The following ZNF503 variants were observed in gnomAD, a reference collection of about 807,000 sequenced individuals.
The protein encoded by ZNF503 is zinc finger protein 503, also known as NocA-like zinc finger 2.
In ZNF503, 15 loss-of-function variants were observed where a neutral mutation model predicts 34.4. The observed-to-expected ratio is 0.44, with a 90% CI of 0.29 to 0.67. ZNF503 has a LOEUF of 0.67. Among genes scored for constraint, ZNF503 ranks in the 30% least tolerant of loss-of-function variants. The pLI is 0.13. For missense variants in ZNF503, 1,007 were observed against 926.8 expected (o/e 1.09, Z -1.12); for synonymous variants, 580 against 456.8 (o/e 1.27, Z -3.44).
the ZNF503 span, among the ~76,000 whole-genome samples, chr10:75,368,888 G>A: frequency 6.6e-6 from 1 of 152,170 alleles, no homozygotes. Flanking sequence ...TTTCAGCTCT[G>A]CTTTTATTGG....
chr10:75,399,652 G>T lies in ZNF503; in HGVS notation c.1038C>A (p.Gly346=). The T allele has an allele frequency of 6.3e-7, 1 of 1,599,370 alleles. No homozygotes were observed. The highest frequency in any genetic ancestry group is 8.5e-7 in the Non-Finnish European group (1 of 1,179,676). The change falls in exon 2 of 2, where the codon GGC becomes GGA. Residue 346 remains glycine, a synonymous_variant. Transcript: ENST00000372524. ...CGGGAGGCAGAGGGAACACTGTCTG[G>T]CCCGGCTTGTAGGGTGACACGGGAG... ...LVAPVSPYKP[G]QTVFPLPPAG... is the part of the protein sequence containing the mutation.
chr10:75,401,347 CTCCGCCTCCGCCGCCGCCGCCGCCGCT>C lies in ZNF503; in HGVS notation c.46_72del (p.Ser16_Gly24del). 2 of 1,485,460 alleles carry C rather than the reference CTCCGCCTCCGCCGCCGCCGCCGCCGCT, an allele frequency of 1.3e-6. No individual in the cohort carries two copies. The highest frequency in any genetic ancestry group is 1.8e-6 in the Non-Finnish European group (2 of 1,136,180). The allele number at this position is 1,485,460 out of a possible 1,614,324, so 92.0% of individuals were successfully genotyped here. ...GTCCAGGCAGGGTCTGCACCGCCGCCTCCGCCTCCGCCGCCGCCGCCGCCGCTGTGCTTACTGCTTCTTAGGGCAGAA... is the reference window on the plus strand; with the variant it reads ...GTCCAGGCAGGGTCTGCACCGCCGCCGTGCTTACTGCTTCTTAGGGCAGAA... On this transcript the variant is annotated inframe_deletion, in exon 1 of 2. Coordinates refer to ENST00000372524, the MANE Select transcript of ZNF503 (RefSeq NM_032772.6).
the ZNF503 span, among the ~76,000 whole-genome samples, chr10:75,375,308 A>C: frequency 3.0e-4 from 45 of 151,948 alleles, no homozygotes; most frequent in African/African-American, 1.0e-3. Context: ...TTTTTAGTAG[A>C]GAAGGGGTTT....
chr10:75,336,211 C>T, the ZNF503 span, among the ~76,000 whole-genome samples: 1 of 152,174 alleles, frequency 6.6e-6, no homozygotes, highest in Non-Finnish European at 1.5e-5. Flanking sequence ...TTCTATTACA[C>T]CTACTAAGCA....
the ZNF503 span, among the ~76,000 whole-genome samples, chr10:75,284,389 T>G: frequency 0.83 from 115,546 of 139,026 alleles, 47,709 homozygotes; most frequent in African/African-American, 0.96. Context: ...GGGGCGTTGG[T>G]GGGGAGGGTT....
At chr10:75,348,459 A>G in the ZNF503 span, among the ~76,000 whole-genome samples, 1,094 of 151,548 alleles carry the variant, frequency 7.2e-3, 5 homozygotes, top group African/African-American at 0.025. Context: ...CGGTCTCCCA[A>G]AGTGTTAGGA....
chr10:75,322,628 G>GAGA, the ZNF503 span, among the ~76,000 whole-genome samples: 445 of 152,108 alleles, frequency 2.9e-3, 1 homozygote, highest in Non-Finnish European at 4.9e-3. Flanking sequence ...CCAGGAGTTG[G>GAGA]AGACCAGCCT....
chr10:75,283,592 G>C, the ZNF503 span, among the ~76,000 whole-genome samples: 1 of 152,168 alleles, frequency 6.6e-6, no homozygotes, highest in Non-Finnish European at 1.5e-5. Context: ...CAGGGAGGGA[G>C]CAGGTTGACG....
rs757346147 is a variant in ZNF503 at position 75,400,081 on chromosome 10, C to T, written c.609G>A (p.Gly203=). The change falls in exon 2 of 2, where the codon GGG becomes GGA. Residue 203 remains glycine (G), a synonymous_variant. Transcript: ENST00000372524. ...GGGGGGGGGG[G]GVSSEKSGFR... ...ATCCCGACTTCTCCGACGAAACACC[C>T]CCGCCGCCGCCCCCGCCACCGCCAC... The T allele has an allele frequency of 6.5e-7, 1 of 1,544,994 alleles. No individual in the cohort carries two copies. Among genetic ancestry groups the T allele is most frequent in the African/African-American group, 1.4e-5 (1 of 72,886 alleles).
chr10:75,325,192 C>T, the ZNF503 span, among the ~76,000 whole-genome samples: 2 of 152,080 alleles, frequency 1.3e-5, no homozygotes, highest in Non-Finnish European at 2.9e-5. Flanking sequence ...GTTGAAATGA[C>T]TATCTTTTCT....
the ZNF503 span, among the ~76,000 whole-genome samples, chr10:75,293,322 G>A: frequency 7.2e-5 from 11 of 152,156 alleles, no homozygotes; most frequent in African/African-American, 2.2e-4. Context: ...AGGAGGGCAA[G>A]GTCATTGTGG....
At chr10:75,382,463 T>A in the ZNF503 span, 1 of 597,212 alleles carries the variant, frequency 1.7e-6, no homozygotes, top group Non-Finnish European at 2.9e-6. Flanking sequence ...TCTGGCTGTG[T>A]GTCCCCAGAA....
downstream of ZNF503, among the ~76,000 whole-genome samples, chr10:75,393,700 T>A (rs1843668325): frequency 6.6e-6 from 1 of 151,934 alleles, no homozygotes. Flanking sequence ...TTACTAAAAC[T>A]ACAAAAAATT....
Position 75,400,304 on chromosome 10 carries a change from G to A in ZNF503, c.386C>T (p.Ser129Leu), listed in dbSNP as rs1313801973. Residue 129 changes from serine to leucine, a missense_variant, in exon 2 of 2, where the codon TCG becomes TTG. Transcript: ENST00000372524. ...AACCGAGGAGAGTTTGGAGGAGGGC[G>A]AGGGGTCGGGCTTCCCGATCTGCGA... Reference protein sequence around the residue: ...TCSQIGKPDPSPSSKLSSVAS... With the variant: ...TCSQIGKPDPLPSSKLSSVAS... 1 of 1,613,136 alleles carries A rather than the reference G, an allele frequency of 6.2e-7. No homozygotes were observed. Among genetic ancestry groups the A allele is most frequent in the East Asian group, 2.2e-5 (1 of 44,850 alleles).
chr10:75,351,731 A>G, the ZNF503 span, among the ~76,000 whole-genome samples: 2 of 151,918 alleles, frequency 1.3e-5, no homozygotes, highest in Non-Finnish European at 2.9e-5. Flanking sequence ...TCCCTCTACT[A>G]TTCATGAGCC....
chr10:75,342,253 C>A, the ZNF503 span, among the ~76,000 whole-genome samples: 1 of 152,176 alleles, frequency 6.6e-6, no homozygotes, highest in Non-Finnish European at 1.5e-5. Context: ...GGAGTCCCTT[C>A]CTCCAGACAG....
downstream of ZNF503, among the ~76,000 whole-genome samples, chr10:75,395,175 G>A (rs1442973187): frequency 6.6e-6 from 1 of 152,244 alleles, no homozygotes; most frequent in Non-Finnish European, 1.5e-5. The surrounding 1 kb of genome is among the most constrained non-coding windows in gnomAD (Gnocchi z 4.4). Context: ...TGGCAGACAA[G>A]GTGACGTATC....
At chr10:75,363,168 C>T in the ZNF503 span, among the ~76,000 whole-genome samples, 1 of 152,284 alleles carries the variant, frequency 6.6e-6, no homozygotes, top group African/African-American at 2.4e-5. Context: ...CCCAGCAGCC[C>T]AGAAGAGGAG....
chr10:75,345,946 T>C, the ZNF503 span, among the ~76,000 whole-genome samples: 4 of 152,282 alleles, frequency 2.6e-5, no homozygotes, highest in Admixed American at 2.0e-4. Context: ...AGAGCGTCAC[T>C]TGCTGGTGGA....
Sources: gnomAD v4.1 joint callset for allele counts (sites outside exome capture counted in the v4.1 genomes callset) on GRCh38, gnomAD v4.1.1 for gene constraint, Gnocchi (gnomAD v3.1) non-coding constraint, MANE v1.5 for transcripts, NCBI Gene and HGNC (gene_info 2026-07-23, HGNC 2026-07-21) for gene names.